EYS: variants seen among roughly 807,000 people sequenced by gnomAD.
EYS encodes the protein EGF-like photoreceptor maintenance factor, also known as protein eyes shut homolog.
EYS carries 250 observed loss-of-function variants against 282.1 expected under a neutral mutation model. The ratio of observed to expected loss-of-function variants is 0.89; its 90% CI spans 0.80 to 0.98. EYS has a LOEUF of 0.98. EYS is among the 50% of genes least tolerant of loss of function. The pLI is 0.00. For missense variants in EYS, 4,016 were observed against 3,709.0 expected (o/e 1.08, Z -2.15); for synonymous variants, 1,355 against 1,282.9 (o/e 1.06, Z -1.20).
At chr6:64,683,419 C>A (rs1372325507) in intron 22 of EYS, among the ~76,000 whole-genome samples, 1 of 151,944 alleles carries the variant, frequency 6.6e-6, no homozygotes, top group Non-Finnish European at 1.5e-5. Context: ...AACAAAGCAC[C>A]AAATGAACAT....
intron 5 of EYS, among the ~76,000 whole-genome samples, chr6:65,445,844 T>C (rs987274671): frequency 3.3e-5 from 5 of 151,824 alleles, no homozygotes; most frequent in Non-Finnish European, 5.9e-5. Context: ...TAATATGTAC[T>C]GAATGTTTAA....
chr6:65,250,723 A>G (rs148297841), intron 12 of EYS, among the ~76,000 whole-genome samples: 12 of 152,090 alleles, frequency 7.9e-5, no homozygotes, highest in Non-Finnish European at 1.2e-4. Context: ...ACCAAATTTG[A>G]ATATAAACCC....
chr6:65,153,667 G>A (rs1187695251), intron 12 of EYS, among the ~76,000 whole-genome samples: 1 of 151,532 alleles, frequency 6.6e-6, no homozygotes, highest in African/African-American at 2.4e-5. Flanking sequence ...CTTGTTAACT[G>A]CATACTGACA....
At chr6:64,230,207 A>G (rs1766378927) in intron 31 of EYS, among the ~76,000 whole-genome samples, 2 of 152,202 alleles carry the variant, frequency 1.3e-5, no homozygotes, top group African/African-American at 4.8e-5. Flanking sequence ...TTGCATATGA[A>G]GTATATAAGT....
chr6:65,615,389 TA>T (rs1766151040), intron 2 of EYS, among the ~76,000 whole-genome samples: 1 of 45,528 alleles, frequency 2.2e-5, no homozygotes. Context: ...TATTTATTTA[TA>T]TATATATATA....
chr6:64,792,857 C>CGTGTGTGTGTGTGTGTGTGCGT (rs1554203669), intron 22 of EYS, among the ~76,000 whole-genome samples: 3 of 148,330 alleles, frequency 2.0e-5, no homozygotes, highest in Admixed American at 6.8e-5. Flanking sequence ...GATCTTGACA[C>CGTGTGTGTGTGTGTGTGTGCGT]GTGTGTGTGT....
chr6:65,420,971 C>T (rs1767434735), intron 5 of EYS, among the ~76,000 whole-genome samples: 1 of 151,740 alleles, frequency 6.6e-6, no homozygotes, highest in Admixed American at 6.6e-5. Context: ...CTTTGTTCAT[C>T]CATTTCTAGA....
Position 65,444,413 on chromosome 6 carries a change from T to C in EYS, c.863-39046A>G, listed in dbSNP as rs114888898. 5.1e-3 allele frequency among the ~76,000 whole-genome samples: 773 copies of C among 152,058 alleles called. 5 individuals carry two copies. Among genetic ancestry groups the C allele is most frequent in the Middle Eastern group, 0.02 (6 of 294 alleles). On this transcript the variant is annotated intron_variant, in intron 5 of 42. Coordinates refer to ENST00000503581, the MANE Select transcript of EYS (RefSeq NM_001142800.2). Reference sequence around the variant, plus strand: ...CTCCCCTCCTTCACAAGAAAGTTTATATAAAAAGAACATAAACAAGTGGTG... The same window carrying C: ...CTCCCCTCCTTCACAAGAAAGTTTACATAAAAAGAACATAAACAAGTGGTG...
chr6:65,382,124 CTTAA>C (rs978579704), intron 8 of EYS, among the ~76,000 whole-genome samples: 1 of 149,046 alleles, frequency 6.7e-6, no homozygotes, highest in African/African-American at 2.5e-5. Flanking sequence ...AGTTTTTAAA[CTTAA>C]TTAAGTTCAA....
At chr6:64,488,821 T>C (rs923189965) in intron 26 of EYS, among the ~76,000 whole-genome samples, 4 of 150,978 alleles carry the variant, frequency 2.6e-5, no homozygotes, top group Non-Finnish European at 5.9e-5. Context: ...GCTTCTAATA[T>C]TCAACCTTTC....
intron 5 of EYS, among the ~76,000 whole-genome samples, chr6:65,473,143 A>G (rs1765276656): frequency 6.6e-6 from 1 of 151,984 alleles, no homozygotes; most frequent in Non-Finnish European, 1.5e-5. Context: ...TCAGAATGTT[A>G]TTACTATATG....
chr6:64,847,920 G>A (rs796819625), intron 19 of EYS, among the ~76,000 whole-genome samples: 31 of 152,032 alleles, frequency 2.0e-4, no homozygotes, highest in African/African-American at 4.8e-4. Context: ...TATTTTGGGC[G>A]CTTCCTTCCT....
chr6:65,099,046 T>C (rs1774817457), intron 12 of EYS, among the ~76,000 whole-genome samples: 1 of 150,736 alleles, frequency 6.6e-6, no homozygotes. Context: ...GAAATGAAGA[T>C]TATGTATTTC....
chr6:64,430,686 C>T (rs903364338), intron 28 of EYS, among the ~76,000 whole-genome samples: 4 of 152,180 alleles, frequency 2.6e-5, no homozygotes, highest in South Asian at 4.1e-4. Context: ...TACTCTTCCT[C>T]GTGGGTGCAA....
chr6:63,727,925 TAA>T (rs762998819), intron 41 of EYS, among the ~76,000 whole-genome samples: 2 of 135,896 alleles, frequency 1.5e-5, no homozygotes, highest in Admixed American at 7.4e-5. Context: ...GACCCTGTCG[TAA>T]AAAAAAAAAA....
intron 13 of EYS, among the ~76,000 whole-genome samples, chr6:65,041,981 T>C (rs909118170): frequency 2.6e-5 from 4 of 151,672 alleles, no homozygotes; most frequent in Admixed American, 6.6e-5. Context: ...TTCAATTGTC[T>C]CTATCTGTAA....
intron 41 of EYS, among the ~76,000 whole-genome samples, chr6:63,739,711 C>G (rs1769023099): frequency 6.6e-6 from 1 of 151,920 alleles, no homozygotes; most frequent in South Asian, 2.1e-4. Flanking sequence ...CCCCCACCCC[C>G]AAGACAGAGT....
intron 15 of EYS, among the ~76,000 whole-genome samples, chr6:64,929,119 A>G (rs1376274664): frequency 6.6e-6 from 1 of 152,132 alleles, no homozygotes; most frequent in African/African-American, 2.4e-5. Flanking sequence ...TGAATCCATT[A>G]GGGTGGAAAC....
intron 22 of EYS, among the ~76,000 whole-genome samples, chr6:64,739,510 ATC>A (rs1772296371): frequency 6.6e-6 from 1 of 152,182 alleles, no homozygotes; most frequent in South Asian, 2.1e-4. Flanking sequence ...TACCAGAAAG[ATC>A]TGTTTAGGCA....
Sources: gnomAD v4.1 joint callset for allele counts (sites outside exome capture counted in the v4.1 genomes callset) on GRCh38, gnomAD v4.1.1 for gene constraint, MANE v1.5 for transcripts, NCBI Gene and HGNC (gene_info 2026-07-23, HGNC 2026-07-21) for gene names.